RPS6KC1: variants seen among roughly 807,000 people sequenced by gnomAD.
The protein encoded by RPS6KC1 is ribosomal protein S6 kinase C1.
In RPS6KC1, 54 loss-of-function variants were observed where a neutral mutation model predicts 103.8. That is an observed-to-expected ratio of 0.52 (90% confidence interval 0.42 to 0.65). The LOEUF (loss-of-function observed/expected upper bound fraction) is 0.65, where lower values mean the gene tolerates loss of function less well. Ranked by LOEUF, RPS6KC1 falls within the 30% of genes least tolerant of loss-of-function variation. The probability of loss-of-function intolerance (pLI) is 0.00; values close to 1 mark genes in which losing one functional copy is unlikely to be tolerated. For synonymous variants in RPS6KC1, 439 were observed against 438.7 expected, an observed-to-expected ratio of 1.00 and a Z score of -0.01; for missense variants, 1,151 against 1,253.8, an observed-to-expected ratio of 0.92 and a Z score of 1.24.
At chr1:213,817,142 T>C in the RPS6KC1 span, among the ~76,000 whole-genome samples, 1 of 152,200 alleles carries the variant, frequency 6.6e-6, no homozygotes, top group Admixed American at 6.5e-5. Flanking sequence ...GTACCAAGAA[T>C]GGGGATGCTG....
At chr1:213,686,212 T>C in the RPS6KC1 span, among the ~76,000 whole-genome samples, 1 of 152,220 alleles carries the variant, frequency 6.6e-6, no homozygotes, top group African/African-American at 2.4e-5. Flanking sequence ...CATCCATGCA[T>C]TTCTATAGCC....
chr1:213,291,622 C>A, the RPS6KC1 span, among the ~76,000 whole-genome samples: 2 of 152,134 alleles, frequency 1.3e-5, no homozygotes. Context: ...AAAATTGGAG[C>A]CCAGAGAGAC....
chr1:213,085,514 A>G (rs1274835800), intron 3 of RPS6KC1, among the ~76,000 whole-genome samples: 1 of 152,128 alleles, frequency 6.6e-6, no homozygotes, highest in Admixed American at 6.5e-5. Flanking sequence ...AGATATTTGT[A>G]AGATCATGAA....
the RPS6KC1 span, among the ~76,000 whole-genome samples, chr1:213,397,504 C>T: frequency 6.6e-6 from 1 of 151,550 alleles, no homozygotes; most frequent in African/African-American, 2.4e-5. Flanking sequence ...GAAGAAGGAT[C>T]TGTCAGCACC....
the RPS6KC1 span, among the ~76,000 whole-genome samples, chr1:213,328,535 T>TATATATATAC: frequency 2.7e-5 from 3 of 111,952 alleles, no homozygotes; most frequent in Non-Finnish European, 5.7e-5. Context: ...TATATATATA[T>TATATATATAC]ATATATCACA....
chr1:213,221,539 G>A (rs974170285), intron 8 of RPS6KC1, among the ~76,000 whole-genome samples: 2 of 152,186 alleles, frequency 1.3e-5, no homozygotes, highest in Admixed American at 6.5e-5. Context: ...GAAAGTTAAC[G>A]TTTGATGAAG....
chr1:213,427,396 AT>A, the RPS6KC1 span, among the ~76,000 whole-genome samples: 1 of 152,166 alleles, frequency 6.6e-6, no homozygotes, highest in African/African-American at 2.4e-5. Context: ...CACACCCTGT[AT>A]TTTATAACTG....
the RPS6KC1 span, among the ~76,000 whole-genome samples, chr1:213,433,277 T>C: frequency 6.6e-6 from 1 of 152,202 alleles, no homozygotes; most frequent in East Asian, 1.9e-4. Flanking sequence ...CTCTCTCTGC[T>C]TTTAAGAACT....
the RPS6KC1 span, among the ~76,000 whole-genome samples, chr1:213,508,741 C>T: frequency 6.6e-6 from 1 of 152,184 alleles, no homozygotes; most frequent in Non-Finnish European, 1.5e-5. Flanking sequence ...AAATGATTGA[C>T]ACCACCAGGG....
chr1:213,218,199 C>T (rs1415154124), intron 8 of RPS6KC1, among the ~76,000 whole-genome samples: 1 of 152,054 alleles, frequency 6.6e-6, no homozygotes, highest in Non-Finnish European at 1.5e-5. Flanking sequence ...AATCAATGTG[C>T]AAAAATCACA....
At chr1:213,234,129 C>G (rs916387517) in intron 10 of RPS6KC1, among the ~76,000 whole-genome samples, 1 of 150,774 alleles carries the variant, frequency 6.6e-6, no homozygotes, top group African/African-American at 2.4e-5. Flanking sequence ...CTCAAGTGAT[C>G]TCCCACCTCA....
intron 6 of RPS6KC1, among the ~76,000 whole-genome samples, chr1:213,162,685 T>G (rs1218994760): frequency 6.6e-6 from 1 of 152,224 alleles, no homozygotes. Context: ...TTGTTGAATC[T>G]AAGAACACTG....
the RPS6KC1 span, among the ~76,000 whole-genome samples, chr1:213,640,344 A>G: frequency 6.6e-6 from 1 of 151,020 alleles, no homozygotes; most frequent in Non-Finnish European, 1.5e-5. Flanking sequence ...ATTTTTTTCT[A>G]ACAGTATGCT....
chr1:213,819,277 C>T, the RPS6KC1 span: 1 of 152,270 alleles, frequency 6.6e-6, no homozygotes, highest in Non-Finnish European at 1.5e-5. Flanking sequence ...CCACACACTC[C>T]CTTCCCAAAG....
At chr1:213,610,819 G>A in the RPS6KC1 span, among the ~76,000 whole-genome samples, 1 of 152,286 alleles carries the variant, frequency 6.6e-6, no homozygotes, top group African/African-American at 2.4e-5. Flanking sequence ...GGACATATTT[G>A]TTTTTGCAAG....
chr1:213,182,728 A>G (rs2092329800), intron 8 of RPS6KC1, among the ~76,000 whole-genome samples: 1 of 150,154 alleles, frequency 6.7e-6, no homozygotes, highest in South Asian at 2.1e-4. Flanking sequence ...AACATAATAT[A>G]ATGAGATATA....
chr1:213,230,475 A>G, intron 8 of RPS6KC1, 22 bp from the exon 9 acceptor site: 1 of 1,546,578 alleles, frequency 6.5e-7, no homozygotes. Context: ...TTAATAAATT[A>G]TTACTCGTGT....
rs866744325 is a variant in RPS6KC1, at chr1:213,205,468, C to T, written c.1045-25029C>T. The T allele has an allele frequency of 5.8e-6, 4 of 691,888 alleles. No homozygotes were observed. In the Admixed American group the frequency reaches 2.7e-4, roughly 46 times the overall value. The allele number at this position is 691,888 out of a possible 1,614,324, so 42.9% of individuals were successfully genotyped here. ...TCTTAATCAAAGCTTTAAGAACGAC[C>T]AAGAACCTAAGGAATAGTTACTTAT... On this transcript the variant is annotated intron_variant, in intron 8 of 14. Transcript: ENST00000366960.
chr1:213,677,645 GGGGAGATGTAATTA>G, the RPS6KC1 span, among the ~76,000 whole-genome samples: 1 of 152,166 alleles, frequency 6.6e-6, no homozygotes, highest in East Asian at 1.9e-4. Flanking sequence ...TTGTATGTGG[GGGGAGATGTAATTA>G]GGGAGAAGAA....
Sources: allele counts gnomAD v4.1 joint callset (sites outside exome capture counted in the v4.1 genomes callset), GRCh38; gene constraint gnomAD v4.1.1; transcripts MANE v1.5; gene names NCBI Gene and HGNC (gene_info 2026-07-23, HGNC 2026-07-21).